Variants in DAPP1 observed in about 807,000 individuals in gnomAD.
DAPP1 encodes dual adapter for phosphotyrosine and 3-phosphotyrosine and 3-phosphoinositide.
Under a neutral mutation model 41.5 loss-of-function variants are expected in DAPP1, and 20 were observed. The ratio of observed to expected loss-of-function variants is 0.48; its 90% CI spans 0.34 to 0.70. The LOEUF (loss-of-function observed/expected upper bound fraction) is 0.70. DAPP1 is among the 30% of genes least tolerant of loss of function. The probability of loss-of-function intolerance (pLI) is 0.01; values close to 1 mark genes in which losing one functional copy is unlikely to be tolerated. For missense variants in DAPP1, 233 were observed against 333.4 expected, an observed-to-expected ratio of 0.70 and a Z score of 2.35; for synonymous variants, 113 against 116.2, an observed-to-expected ratio of 0.97 and a Z score of 0.18.
In DAPP1 at chr4:99,857,701, T is replaced by TATACAC. The variant is rs776829227; in HGVS notation, c.490-3876_490-3875insTACACA. On this transcript the variant is annotated intron_variant, in intron 4 of 8. Coordinates refer to ENST00000512369, the MANE Select transcript of DAPP1 (RefSeq NM_014395.3). Reference sequence around the variant, plus strand: ...AAAAAAAAAAGTATATGTATGTATATACACACACACACACACACACACACA... The same window carrying TATACAC: ...AAAAAAAAAAGTATATGTATGTATATATACACACACACACACACACACACACACACA... 1.0e-3 allele frequency among the ~76,000 whole-genome samples: 148 copies of TATACAC among 143,102 alleles called. 2 individuals are homozygous for TATACAC. The highest frequency in any genetic ancestry group is 8.8e-3 in the Admixed American group (123 of 14,046). 93.9% of individuals were successfully genotyped at this position (143,102 alleles called of 152,430 possible). A position where few individuals can be genotyped will look rare whatever the true frequency, so the allele number is the denominator to read the frequency against.
chr4:99,854,045 C>T (rs1406204266), intron 4 of DAPP1, among the ~76,000 whole-genome samples: 1 of 152,070 alleles, frequency 6.6e-6, no homozygotes, highest in Admixed American at 6.5e-5. Flanking sequence ...TATTCTCCAC[C>T]TTTACTATAA....
chr4:99,833,170 G>C (rs1723181225), intron 1 of DAPP1, among the ~76,000 whole-genome samples: 1 of 152,164 alleles, frequency 6.6e-6, no homozygotes, highest in Non-Finnish European at 1.5e-5. Flanking sequence ...AGTTGAACTT[G>C]AACTTTATTA....
downstream of DAPP1, among the ~76,000 whole-genome samples, chr4:99,872,035 A>C (rs1724637836): frequency 6.6e-6 from 1 of 152,240 alleles, no homozygotes. Context: ...CCAGAGAGCA[A>C]GAACAAAGAA....
In DAPP1 at chr4:99,840,238, A is replaced by G; in HGVS notation, c.225-51A>G. Reference sequence around the variant, plus strand: ...ACATCTGAGATCATATTTCCCTTCAACAAGATATTTATTTGTTAAATAATA... The same window carrying G: ...ACATCTGAGATCATATTTCCCTTCAGCAAGATATTTATTTGTTAAATAATA... On this transcript the variant is annotated intron_variant, in intron 2 of 8. Coordinates refer to ENST00000512369, the MANE Select transcript of DAPP1 (RefSeq NM_014395.3). The G allele has an allele frequency of 1.1e-5, 14 of 1,293,670 alleles. No homozygotes were observed. In the South Asian group the frequency reaches 2.1e-4, roughly 19 times the overall value. The allele number at this position is 1,293,670 out of a possible 1,614,324, so 80.1% of individuals were successfully genotyped here.
At position 99,867,865 on chromosome 4, in the gene DAPP1, TGTAA is replaced by T. The variant is rs542311803; in HGVS notation, c.775-248_775-245del. ...AATAGTATTGCATTTTATAGATTACTGTAAGTATTAGACCAATTCCCAATTTGTA... is the reference window on the plus strand; with the variant it reads ...AATAGTATTGCATTTTATAGATTACTGTATTAGACCAATTCCCAATTTGTA... On this transcript the variant is annotated intron_variant, in intron 8 of 8. Transcript: ENST00000512369. 2.3e-3 allele frequency among the ~76,000 whole-genome samples: 355 copies of T among 152,348 alleles called. 3 individuals carry two copies. The highest frequency in any genetic ancestry group is 8.3e-3 in the African/African-American group (347 of 41,582).
At chr4:99,857,715 C>T (rs892964904) in intron 4 of DAPP1, among the ~76,000 whole-genome samples, 24 of 150,256 alleles carry the variant, frequency 1.6e-4, no homozygotes, top group African/African-American at 3.2e-4. Flanking sequence ...CACACACACA[C>T]ACACACACAC....
rs1199354078 is a variant in DAPP1 at position 99,816,885 on chromosome 4, C to G, written c.-29C>G. ...GGTGTCAGGAGCAGCCCAGTTGTGT[C>G]TCTCTCTCTACCTCTGTGAAGGGCG... On this transcript the variant is annotated 5_prime_UTR_variant, in exon 1 of 9. Transcript: ENST00000512369. 1 of 1,556,806 alleles carries G rather than the reference C, an allele frequency of 6.4e-7. No individual in the cohort carries two copies. Among genetic ancestry groups the G allele is most frequent in the Non-Finnish European group, 8.7e-7 (1 of 1,144,824 alleles).
intron 1 of DAPP1, among the ~76,000 whole-genome samples, chr4:99,830,264 T>C (rs1176739561): frequency 2.6e-5 from 4 of 152,132 alleles, no homozygotes; most frequent in African/African-American, 9.7e-5. Context: ...ATGCCTGTAG[T>C]CTCAGCTACT....
intron 1 of DAPP1, among the ~76,000 whole-genome samples, chr4:99,824,471 G>GT (rs1208773979): frequency 6.6e-6 from 1 of 152,178 alleles, no homozygotes; most frequent in Non-Finnish European, 1.5e-5. Flanking sequence ...TTGGTTAGAG[G>GT]TATCGCCTAA....
At chr4:99,848,056 C>T (rs536089877) in intron 3 of DAPP1, among the ~76,000 whole-genome samples, 1 of 151,808 alleles carries the variant, frequency 6.6e-6, no homozygotes, top group South Asian at 2.1e-4. Flanking sequence ...TCATGATCCG[C>T]CCCCTCGGCC....
intron 1 of DAPP1, among the ~76,000 whole-genome samples, chr4:99,822,490 T>C (rs1722807089): frequency 6.6e-6 from 1 of 152,160 alleles, no homozygotes; most frequent in Non-Finnish European, 1.5e-5. Flanking sequence ...GCCTTGGAGC[T>C]GATATGATTT....
chr4:99,868,151 G>A lies in DAPP1; in HGVS notation c.809G>A (p.Gly270Asp). The stretch of plus-strand genomic sequence containing the variant: ...AGAAAACAGCTCAACCAAGGGGAAG[G>A]CACGATCCGATCTCGGTCGTTCATC... ...QIRKQLNQGE[G>D]TIRSRSFIFK Residue 270 changes from glycine to aspartate, a missense_variant, in exon 9 of 9, where the codon GGC becomes GAC. Physicochemically the swap from Gly to Asp is moderately conservative, Grantham distance 94. Transcript: ENST00000512369. 1 of 1,613,880 alleles carries A rather than the reference G, an allele frequency of 6.2e-7. No individual in the cohort carries two copies. The highest frequency in any genetic ancestry group is 8.5e-7 in the Non-Finnish European group (1 of 1,179,858).
chr4:99,839,849 G>A (rs1204722520), intron 2 of DAPP1, among the ~76,000 whole-genome samples: 2 of 152,206 alleles, frequency 1.3e-5, no homozygotes, highest in African/African-American at 4.8e-5. Flanking sequence ...ATCACCTGAG[G>A]TCAGGAGTTC....
intron 7 of DAPP1, 109 bp from the exon 8 acceptor site, chr4:99,865,912 TATATATATATATA>T (rs1724411475): frequency 2.2e-5 from 2 of 91,346 alleles, no homozygotes; most frequent in East Asian, 2.7e-4. Flanking sequence ...TATATATATA[TATATATATATATA>T]ATATATATAA....
intron 5 of DAPP1, 34 bp downstream of exon 5, chr4:99,861,659 A>C (rs1724241445): frequency 6.4e-7 from 1 of 1,555,634 alleles, no homozygotes; most frequent in Non-Finnish European, 8.7e-7. Context: ...TGCCAGCCAC[A>C]GAAAAAAGAG....
intron 1 of DAPP1, among the ~76,000 whole-genome samples, chr4:99,831,975 A>G (rs1229922786): frequency 1.4e-5 from 1 of 69,330 alleles, no homozygotes; most frequent in Non-Finnish European, 3.0e-5. Flanking sequence ...CACAACCTTA[A>G]AAAAAAAAAA....
At chr4:99,864,600 T>TA (rs1724362782) in intron 7 of DAPP1, among the ~76,000 whole-genome samples, 1 of 152,192 alleles carries the variant, frequency 6.6e-6, no homozygotes, top group Admixed American at 6.5e-5. Flanking sequence ...GGTGTCTTTT[T>TA]AAAATTTGCA....
At chr4:99,817,065 C>T (rs1051784137) in intron 1 of DAPP1, 51 bp downstream of exon 1, 18 of 1,353,666 alleles carry the variant, frequency 1.3e-5, no homozygotes, top group Middle Eastern at 3.6e-4. Flanking sequence ...ACATTGACTC[C>T]GCACTCCCAC....
chr4:99,830,988 A>C (rs1260706999), intron 1 of DAPP1, among the ~76,000 whole-genome samples: 1 of 152,188 alleles, frequency 6.6e-6, no homozygotes, highest in Non-Finnish European at 1.5e-5. Flanking sequence ...TTTTCATTAG[A>C]ACAAGCTAAA....
Sources: allele counts gnomAD v4.1 joint callset (sites outside exome capture counted in the v4.1 genomes callset), GRCh38; gene constraint gnomAD v4.1.1; transcripts MANE v1.5; gene names NCBI Gene and HGNC (gene_info 2026-07-23, HGNC 2026-07-21).